The following SERPINB11 variants were observed in gnomAD, a reference collection of about 807,000 sequenced individuals.
SERPINB11 encodes serpin B11.
Under a neutral mutation model 36.7 loss-of-function variants are expected in SERPINB11, and 32 were observed. The observed-to-expected ratio is 0.87, with a 90% CI of 0.66 to 1.17. The LOEUF is 1.17. SERPINB11 is among the 50% of genes most tolerant of loss of function. The pLI, the probability that SERPINB11 is intolerant of heterozygous loss-of-function variation, is 0.00. For missense variants in SERPINB11, 528 were observed against 458.4 expected (o/e 1.15, Z -1.39); for synonymous variants, 174 against 168.1 (o/e 1.04, Z -0.27).
At chr18:63,719,601 G>A (rs1194141204) in intron 5 of SERPINB11, among the ~76,000 whole-genome samples, 1 of 152,010 alleles carries the variant, frequency 6.6e-6, no homozygotes, top group Non-Finnish European at 1.5e-5. Flanking sequence ...TGCATTGAAA[G>A]AATAAATATT....
In SERPINB11 at chr18:63,710,308, C is replaced by G. The variant is rs376219600; in HGVS notation, c.115C>G (p.Leu39Val). Residue 39 changes from leucine to valine, a missense_variant, in exon 2 of 8, where the codon CTA (leucine) becomes GTA (valine). Physicochemically the swap from Leu to Val is conservative, Grantham distance 32. Transcript: ENST00000544088. Reference protein sequence around the residue: ...FFSSLSLLYALSMVLLGARGE... With the variant: ...FFSSLSLLYAVSMVLLGARGE... Reference sequence around the variant, plus strand: ...TTCTTCGCTGAGTCTGCTTTATGCTCTAAGCATGGTCCTCCTTGGTGCCAG... The same window carrying G: ...TTCTTCGCTGAGTCTGCTTTATGCTGTAAGCATGGTCCTCCTTGGTGCCAG... 6.2e-6 allele frequency: 10 copies of G among 1,613,730 alleles called. No individual in the cohort carries two copies. Among genetic ancestry groups the G allele is most frequent in the Middle Eastern group, 1.6e-4 (1 of 6,062 alleles).
chr18:63,714,932 C>T (rs942970867), intron 4 of SERPINB11, among the ~76,000 whole-genome samples: 1 of 152,114 alleles, frequency 6.6e-6, no homozygotes, highest in East Asian at 1.9e-4. Flanking sequence ...TCCATGAAAT[C>T]TTCACAATTT....
intron 7 of SERPINB11, 107 bp from the exon 8 acceptor site, chr18:63,722,888 A>G: frequency 1.7e-6 from 2 of 1,145,728 alleles, no homozygotes; most frequent in Non-Finnish European, 2.4e-6. Flanking sequence ...AGGTAGAAAA[A>G]GTGATGAAGT....
intron 5 of SERPINB11, among the ~76,000 whole-genome samples, chr18:63,716,883 A>G (rs1914682956): frequency 1.3e-5 from 2 of 152,046 alleles, no homozygotes; most frequent in South Asian, 4.1e-4. Flanking sequence ...TTAAAAATAA[A>G]CTTTATGATT....
chr18:63,706,125 T>G (rs975425211), intron 1 of SERPINB11, among the ~76,000 whole-genome samples: 1 of 152,202 alleles, frequency 6.6e-6, no homozygotes, highest in Non-Finnish European at 1.5e-5. Flanking sequence ...TGGGTCCTAT[T>G]ACACTGTGCT....
At chr18:63,703,966 T>TGAA (rs5825520) in intron 1 of SERPINB11, among the ~76,000 whole-genome samples, 150,731 of 151,692 alleles carry the variant, frequency 0.99, 74,892 homozygotes, top group South Asian at 1. Context: ...CTCATTTGCT[T>TGAA]GAAGATTTTT....
Position 63,712,683 on chromosome 18 carries a change from C to T in SERPINB11, c.347C>T (p.Ala116Val). The T allele has an allele frequency of 6.2e-7, 1 of 1,613,532 alleles. No individual in the cohort carries two copies. Among genetic ancestry groups the T allele is most frequent in the Non-Finnish European group, 8.5e-7 (1 of 1,179,580 alleles). The change falls in exon 4 of 8, where the codon GCA becomes GTA. Residue 116 changes from alanine to valine, a missense_variant. Physicochemically the swap from Ala to Val is moderately conservative, Grantham distance 64. Coordinates refer to ENST00000544088, the MANE Select transcript of SERPINB11 (RefSeq NM_001370475.1). The stretch of plus-strand genomic sequence containing the variant: ...AGGCTCTACGGGACAAAGACGATGG[C>T]ATTTCATCAGGTAAGTCCATTTGGA... ...ANRLYGTKTMAFHQQYLSCSE... is the reference protein window; with the variant it reads ...ANRLYGTKTMVFHQQYLSCSE...
chr18:63,715,291 A>G (rs1914639119), intron 4 of SERPINB11, among the ~76,000 whole-genome samples: 1 of 152,160 alleles, frequency 6.6e-6, no homozygotes, highest in Admixed American at 6.6e-5. Context: ...TGGCAGAAAG[A>G]CAACGGAAAG....
At chr18:63,720,234 T>G (rs1041641162) in intron 6 of SERPINB11, 79 bp downstream of exon 6, 23 of 1,255,024 alleles carry the variant, frequency 1.8e-5, no homozygotes, top group Non-Finnish European at 2.6e-5. Context: ...AAAGATGTAG[T>G]GATTTAGTGA....
chr18:63,714,173 C>T (rs962137274), intron 4 of SERPINB11, among the ~76,000 whole-genome samples: 16 of 152,038 alleles, frequency 1.1e-4, no homozygotes, highest in African/African-American at 2.2e-4. Context: ...CATCACATGT[C>T]GGCAGGTTCC....
At chr18:63,720,268 G>T in intron 6 of SERPINB11, 113 bp downstream of exon 6, 6 of 937,890 alleles carry the variant, frequency 6.4e-6, no homozygotes, top group South Asian at 1.7e-5. Flanking sequence ...GGTTTCTGTT[G>T]GTTCTTTTTA....
chr18:63,721,114 T>C, intron 7 of SERPINB11, 128 bp downstream of exon 7: 2 of 933,794 alleles, frequency 2.1e-6, no homozygotes, highest in Non-Finnish European at 3.2e-6. Context: ...CTTAGTAGGA[T>C]TGTCCCGGGG....
At chr18:63,710,789 T>G (rs969728601) in intron 2 of SERPINB11, among the ~76,000 whole-genome samples, 1 of 152,244 alleles carries the variant, frequency 6.6e-6, no homozygotes, top group Non-Finnish European at 1.5e-5. Context: ...ATCCACACTT[T>G]ATGGATTGAA....
Position 63,716,165 on chromosome 18 carries a change from C to G in SERPINB11, c.475+13C>G. 1 of 1,482,210 alleles carries G rather than the reference C, an allele frequency of 6.7e-7. No homozygotes were observed. Among genetic ancestry groups the G allele is most frequent in the East Asian group, 2.3e-5 (1 of 43,636 alleles). 91.8% of individuals were successfully genotyped at this position (1,482,210 alleles called of 1,614,324 possible). ...AATAAAACTAATGGTAAGGATAAGTCAATATGTGTCTCTAAACTCTGTGTT... is the reference window on the plus strand; with the variant it reads ...AATAAAACTAATGGTAAGGATAAGTGAATATGTGTCTCTAAACTCTGTGTT... On this transcript the variant is annotated intron_variant, in intron 5 of 7. Transcript: ENST00000544088.
intron 7 of SERPINB11, among the ~76,000 whole-genome samples, chr18:63,721,772 C>T (rs779741681): frequency 2.6e-5 from 4 of 152,036 alleles, no homozygotes; most frequent in Non-Finnish European, 4.4e-5. Context: ...TCAGGACGTA[C>T]GCATTTGGAT....
At chr18:63,716,234 G>A in intron 5 of SERPINB11, 82 bp downstream of exon 5, 1 of 814,316 alleles carries the variant, frequency 1.2e-6, no homozygotes, top group Non-Finnish European at 2.0e-6. Flanking sequence ...GAGGAAGCTG[G>A]CTGAAGTCTG....
intron 1 of SERPINB11, among the ~76,000 whole-genome samples, chr18:63,707,588 T>C (rs1390231028): frequency 6.6e-6 from 1 of 152,218 alleles, no homozygotes; most frequent in Non-Finnish European, 1.5e-5. Context: ...GTGATGCTTA[T>C]TTCATTCTTC....
At chr18:63,708,725 A>T (rs903881772) in intron 1 of SERPINB11, among the ~76,000 whole-genome samples, 2 of 152,218 alleles carry the variant, frequency 1.3e-5, no homozygotes, top group Non-Finnish European at 1.5e-5. Context: ...TTGGAATTCA[A>T]GGTCAGCATA....
At chr18:63,709,040 C>G (rs1914445034) in intron 1 of SERPINB11, among the ~76,000 whole-genome samples, 1 of 152,198 alleles carries the variant, frequency 6.6e-6, no homozygotes. Flanking sequence ...GTTTTTATAT[C>G]CATAGCCCTC....
Sources: gnomAD v4.1 joint callset for allele counts (sites outside exome capture counted in the v4.1 genomes callset) on GRCh38, gnomAD v4.1.1 for gene constraint, MANE v1.5 for transcripts, NCBI Gene and HGNC (gene_info 2026-07-23, HGNC 2026-07-21) for gene names.